LYRM4: variants seen among roughly 807,000 people sequenced by gnomAD.
LYRM4 encodes LYR motif containing 4.
A neutral mutation model predicts 11.7 loss-of-function variants in LYRM4; 9 were observed. The observed-to-expected ratio is 0.77, with a 90% confidence interval of 0.46 to 1.34. The LOEUF (loss-of-function observed/expected upper bound fraction) is 1.34, where lower values mean the gene tolerates loss of function less well. Ranked by LOEUF, LYRM4 falls within the 40% of genes most tolerant of loss-of-function variation. The probability of loss-of-function intolerance (pLI) is 0.00; values close to 1 mark genes in which losing one functional copy is unlikely to be tolerated. For missense variants in LYRM4, 133 were observed against 112.5 expected (o/e 1.18, Z -0.82); for synonymous variants, 42 against 40.4 (o/e 1.04, Z -0.15).
the LYRM4 span, chr6:5,032,110 T>G: frequency 2.0e-5 from 3 of 152,236 alleles, no homozygotes; most frequent in African/African-American, 7.2e-5. Flanking sequence ...TGCAGTTAGA[T>G]AATATTTACC....
chr6:5,169,594 A>G (rs116453733), intron 2 of LYRM4, among the ~76,000 whole-genome samples: 2,120 of 152,340 alleles, frequency 0.014, 42 homozygotes, highest in African/African-American at 0.046. Context: ...GAGAGTAGAC[A>G]GTATGTGAAA....
the LYRM4 span, among the ~76,000 whole-genome samples, chr6:5,079,265 T>C: frequency 3.3e-5 from 5 of 152,184 alleles, no homozygotes; most frequent in Non-Finnish European, 7.4e-5. Flanking sequence ...CTAGGAAATA[T>C]ATGGAGGAAA....
intron 2 of LYRM4, among the ~76,000 whole-genome samples, chr6:5,216,174 T>C (rs1302838069): frequency 6.6e-6 from 1 of 152,170 alleles, no homozygotes; most frequent in African/African-American, 2.4e-5. Context: ...GCACCTCCCA[T>C]GTGGCAACGT....
At chr6:5,098,853 C>T (rs1375683361), downstream of LYRM4, among the ~76,000 whole-genome samples, 2 of 152,184 alleles carry the variant, frequency 1.3e-5, no homozygotes, top group Non-Finnish European at 2.9e-5. Context: ...GATGTGATGC[C>T]ACTTTCCTGG....
chr6:5,127,761 C>T (rs1179653251), intron 2 of LYRM4, among the ~76,000 whole-genome samples: 2 of 152,176 alleles, frequency 1.3e-5, no homozygotes, highest in Non-Finnish European at 2.9e-5. Flanking sequence ...ACACATATAG[C>T]TTGCATTTAT....
intron 2 of LYRM4, among the ~76,000 whole-genome samples, chr6:5,121,207 A>G (rs181777558): frequency 2.1e-3 from 327 of 152,344 alleles, no homozygotes; most frequent in African/African-American, 5.8e-3. Context: ...ACATAGGGCC[A>G]TGGACTACAA....
chr6:5,059,940 A>C, the LYRM4 span, among the ~76,000 whole-genome samples: 1 of 152,090 alleles, frequency 6.6e-6, no homozygotes, highest in Non-Finnish European at 1.5e-5. Context: ...AGCTGGGACT[A>C]TAGGCATGAG....
chr6:5,116,119 T>C (rs1338311451), intron 2 of LYRM4, among the ~76,000 whole-genome samples: 3 of 152,202 alleles, frequency 2.0e-5, no homozygotes, highest in Admixed American at 6.5e-5. Flanking sequence ...CTGTGCTCAC[T>C]GACTCTAAAA....
chr6:5,118,433 T>C (rs1448269652), intron 2 of LYRM4, among the ~76,000 whole-genome samples: 1 of 152,068 alleles, frequency 6.6e-6, no homozygotes, highest in East Asian at 1.9e-4. Context: ...TTTTTGATAG[T>C]AGAATTTCAG....
the LYRM4 span, among the ~76,000 whole-genome samples, chr6:5,095,727 C>T: frequency 1.3e-5 from 2 of 152,196 alleles, no homozygotes; most frequent in Admixed American, 6.5e-5. Flanking sequence ...CCTATAATCC[C>T]AGCACTTTGG....
At chr6:5,123,121 A>G (rs1355749624) in intron 2 of LYRM4, among the ~76,000 whole-genome samples, 1 of 152,178 alleles carries the variant, frequency 6.6e-6, no homozygotes, top group Non-Finnish European at 1.5e-5. Flanking sequence ...GGGAGCCCCA[A>G]AATGGTGAGA....
chr6:5,164,450 G>A (rs987378645), intron 2 of LYRM4, among the ~76,000 whole-genome samples: 11 of 152,148 alleles, frequency 7.2e-5, no homozygotes, highest in African/African-American at 2.7e-4. Context: ...TAATGAGCAA[G>A]ACTGATCAGA....
Position 5,207,179 on chromosome 6 carries a change from C to T in LYRM4, c.207+9439G>A, listed in dbSNP as rs192240843. Among the ~76,000 whole-genome samples the T allele has an allele frequency of 5.3e-5, 8 of 152,250 alleles. No individual in the cohort carries two copies. The East Asian group carries it at 7.7e-4, about 15-fold the overall frequency. ...TATCTCAGGGAGGAAAAAGCCACGC[C>T]GTTTTTTAGACTGATAGATGTATAA... On this transcript the variant is annotated intron_variant, in intron 2 of 2. Transcript: ENST00000330636.
intron 2 of LYRM4, 115 bp downstream of exon 2, chr6:5,216,503 T>G: frequency 1.2e-5 from 14 of 1,205,428 alleles, no homozygotes; most frequent in Non-Finnish European, 1.7e-5. Flanking sequence ...GGAACAGAGT[T>G]TCATGATCCT....
the LYRM4 span, among the ~76,000 whole-genome samples, chr6:5,074,744 G>A: frequency 6.6e-6 from 1 of 151,908 alleles, no homozygotes; most frequent in Non-Finnish European, 1.5e-5. Flanking sequence ...TGATTTGGAG[G>A]AGATTTCTCT....
At chr6:5,231,902 A>C (rs552545004) in intron 1 of LYRM4, among the ~76,000 whole-genome samples, 32 of 152,220 alleles carry the variant, frequency 2.1e-4, no homozygotes, top group Non-Finnish European at 4.1e-4. Flanking sequence ...TATTTCTATA[A>C]CATCCCTGTG....
chr6:5,139,486 T>C (rs17139535), intron 2 of LYRM4, among the ~76,000 whole-genome samples: 16,814 of 152,316 alleles, frequency 0.11, 1,053 homozygotes, highest in South Asian at 0.23. Flanking sequence ...AGCACTTGAC[T>C]GGTTTTCGAC....
At chr6:5,062,370 C>T in the LYRM4 span, among the ~76,000 whole-genome samples, 1 of 151,048 alleles carries the variant, frequency 6.6e-6, no homozygotes, top group African/African-American at 2.4e-5. Context: ...CACTGTGTTG[C>T]CCAGGCTGGT....
chr6:5,082,013 G>A, the LYRM4 span, among the ~76,000 whole-genome samples: 3 of 152,188 alleles, frequency 2.0e-5, no homozygotes, highest in African/African-American at 4.8e-5. Context: ...CATGCCCATC[G>A]CACACTCTGT....
Sources: gnomAD v4.1 joint callset for allele counts (sites outside exome capture counted in the v4.1 genomes callset) on GRCh38, gnomAD v4.1.1 for gene constraint, MANE v1.5 for transcripts, NCBI Gene and HGNC (gene_info 2026-07-23, HGNC 2026-07-21) for gene names.